MTO1: variants seen among roughly 807,000 people sequenced by gnomAD.
The protein encoded by MTO1 is mitochondrial tRNA translation optimization 1.
In MTO1, 46 loss-of-function variants were observed where a neutral mutation model predicts 71.6. That is an observed-to-expected ratio of 0.64 (90% CI 0.51 to 0.82). MTO1 has a LOEUF of 0.82. Among genes scored for constraint, MTO1 ranks in the 40% least tolerant of loss-of-function variants. MTO1 has a pLI of 0.00. For missense variants in MTO1, 773 were observed against 867.5 expected (o/e 0.89, Z 1.37); for synonymous variants, 297 against 312.1 (o/e 0.95, Z 0.51).
intron 10 of MTO1, among the ~76,000 whole-genome samples, chr6:73,496,837 G>A (rs551085712): frequency 6.6e-6 from 1 of 152,064 alleles, no homozygotes; most frequent in East Asian, 1.9e-4. Context: ...GGCAGATCAT[G>A]AGGTCAGGAG....
chr6:73,467,848 A>G (rs2150028209), intron 3 of MTO1, among the ~76,000 whole-genome samples: 1 of 151,986 alleles, frequency 6.6e-6, no homozygotes, highest in South Asian at 2.1e-4. Flanking sequence ...TTTGAGACGG[A>G]GTCTCACTCT....
At chr6:73,498,869 C>T (rs532736561) in intron 11 of MTO1, among the ~76,000 whole-genome samples, 4 of 152,022 alleles carry the variant, frequency 2.6e-5, no homozygotes, top group South Asian at 2.1e-4. Context: ...GGACTACAGG[C>T]GCATGCCACC....
At chr6:73,470,438 C>G (rs1432123722) in intron 3 of MTO1, among the ~76,000 whole-genome samples, 7 of 152,048 alleles carry the variant, frequency 4.6e-5, no homozygotes, top group Non-Finnish European at 8.8e-5. Flanking sequence ...GATCTCCTGA[C>G]CTTGTGGTCC....
intron 3 of MTO1, among the ~76,000 whole-genome samples, chr6:73,472,622 G>A (rs1191144366): frequency 6.6e-6 from 1 of 152,178 alleles, no homozygotes; most frequent in Non-Finnish European, 1.5e-5. Context: ...AGTTGAATAA[G>A]TTCTAGCAAT....
At chr6:73,474,907 C>T (rs537461948) in intron 4 of MTO1, among the ~76,000 whole-genome samples, 59 of 151,866 alleles carry the variant, frequency 3.9e-4, no homozygotes, top group Middle Eastern at 6.8e-3. Flanking sequence ...AGGCTCCTGC[C>T]GCCACACTGG....
intron 4 of MTO1, among the ~76,000 whole-genome samples, chr6:73,476,315 A>C (rs1561943732): frequency 6.7e-6 from 1 of 150,040 alleles, no homozygotes; most frequent in Non-Finnish European, 1.5e-5. Context: ...CAGAGGTTGC[A>C]GTTAGCTGTG....
chr6:73,469,300 G>C (rs1449703476), intron 3 of MTO1, among the ~76,000 whole-genome samples: 1 of 151,842 alleles, frequency 6.6e-6, no homozygotes, highest in Non-Finnish European at 1.5e-5. Flanking sequence ...TTACAGGCAT[G>C]AGCTGCCATG....
In MTO1 at chr6:73,471,006, A is replaced by T. The variant is rs191741179; in HGVS notation, c.536-2359A>T. On this transcript the variant is annotated intron_variant, in intron 3 of 11. Coordinates refer to ENST00000498286, the MANE Select transcript of MTO1 (RefSeq NM_012123.4). ...CTTCACTTTGTCCCCTCAACCAGCC[A>T]GTTTTCTTTCTCAGGAGCATTTGCT... Among the ~76,000 whole-genome samples, 193 of 152,126 alleles carry T rather than the reference A, an allele frequency of 1.3e-3. 1 individual carries two copies. The highest frequency in any genetic ancestry group is 4.4e-3 in the African/African-American group (184 of 41,504).
intron 9 of MTO1, chr6:73,486,535 C>T (rs372013814): frequency 2.0e-5 from 8 of 403,924 alleles, no homozygotes; most frequent in Admixed American, 2.7e-5. Context: ...GTCAGGAGTT[C>T]GAAACCAGCC....
chr6:73,485,926 C>T (rs1372195434), intron 9 of MTO1, among the ~76,000 whole-genome samples: 2 of 150,182 alleles, frequency 1.3e-5, no homozygotes, highest in Non-Finnish European at 3.0e-5. Flanking sequence ...ACATGTGCAC[C>T]TATGCGTAAC....
At chr6:73,482,788 T>TC (rs1355960915) in intron 9 of MTO1, among the ~76,000 whole-genome samples, 168 bp downstream of exon 9, 10 of 107,574 alleles carry the variant, frequency 9.3e-5, no homozygotes, top group Non-Finnish European at 1.8e-4. Flanking sequence ...CTTTTTTCTT[T>TC]CTTTTTTTTT....
intron 1 of MTO1, chr6:73,464,291 T>C (rs1346975340): frequency 6.6e-6 from 1 of 152,084 alleles, no homozygotes; most frequent in Non-Finnish European, 1.5e-5. Flanking sequence ...AGGAAAATAA[T>C]CTACCACAGC....
chr6:73,497,373 C>T (rs549027483), intron 10 of MTO1, among the ~76,000 whole-genome samples: 26 of 151,696 alleles, frequency 1.7e-4, no homozygotes, highest in African/African-American at 5.8e-4. Context: ...ATGCTGGTCT[C>T]GAACTCTTGA....
At chr6:73,499,641 A>G (rs1014334989) in intron 11 of MTO1, among the ~76,000 whole-genome samples, 1 of 152,184 alleles carries the variant, frequency 6.6e-6, no homozygotes, top group Non-Finnish European at 1.5e-5. Flanking sequence ...TGGACACTGC[A>G]TTATTGCAGT....
chr6:73,494,477 T>C (rs942190565), intron 10 of MTO1, among the ~76,000 whole-genome samples: 3 of 147,300 alleles, frequency 2.0e-5, no homozygotes, highest in Non-Finnish European at 4.5e-5. Context: ...TTCTTTTTTT[T>C]TCTTTTTTTT....
rs1248038335 is a variant in MTO1 at position 73,473,437 on chromosome 6, T to C, written c.608T>C (p.Ile203Thr). 1 of 1,614,158 alleles carries C rather than the reference T, an allele frequency of 6.2e-7. No individual in the cohort carries two copies. The highest frequency in any genetic ancestry group is 1.7e-5 in the Admixed American group (1 of 59,990). The change falls in exon 4 of 12, where the codon ATT becomes ACT. Residue 203 changes from isoleucine (I) to threonine (T), a missense_variant. Coordinates refer to ENST00000498286, the MANE Select transcript of MTO1 (RefSeq NM_012123.4). ...ACATTTCTGAGAGGCATGATTGTAA[T>C]TGGATTGGAGACGCATCCAGCAGGA... ...TGTFLRGMIV[I>T]GLETHPAGRL...
At chr6:73,481,590 A>AC (rs956405038) in intron 7 of MTO1, among the ~76,000 whole-genome samples, 4 of 151,730 alleles carry the variant, frequency 2.6e-5, no homozygotes, top group Admixed American at 1.3e-4. Flanking sequence ...ATGTAGTGAG[A>AC]CCCCCATCTC....
Position 73,504,010 on chromosome 6 carries a change from G to A in MTO1, c.*3275G>A, listed in dbSNP as rs1027676343. ...GAGTATCAGGAAAGCCACCAGCAGAGACTAGGGGTTTATTCTGATCTGGAA... is the reference window on the plus strand; with the variant it reads ...GAGTATCAGGAAAGCCACCAGCAGAAACTAGGGGTTTATTCTGATCTGGAA... On this transcript the variant is annotated 3_prime_UTR_variant, in exon 12 of 12. Transcript: ENST00000498286. 1 of 152,198 alleles carries A rather than the reference G, an allele frequency of 6.6e-6. No homozygotes were observed. Among genetic ancestry groups the A allele is most frequent in the African/African-American group, 2.4e-5 (1 of 41,442 alleles). 9.4% of individuals were successfully genotyped at this position (152,198 alleles called of 1,614,324 possible). A position where few individuals can be genotyped will look rare whatever the true frequency, so the allele number is the denominator to read the frequency against.
intron 11 of MTO1, among the ~76,000 whole-genome samples, chr6:73,500,157 C>T (rs1422133838): frequency 6.6e-6 from 1 of 152,078 alleles, no homozygotes; most frequent in African/African-American, 2.4e-5. Flanking sequence ...GCACCACCAT[C>T]CTAAGCTAAT....
Sources: allele counts gnomAD v4.1 joint callset (sites outside exome capture counted in the v4.1 genomes callset), GRCh38; gene constraint gnomAD v4.1.1; transcripts MANE v1.5; gene names NCBI Gene and HGNC (gene_info 2026-07-23, HGNC 2026-07-21).